RFPL1: variants seen among roughly 807,000 people sequenced by gnomAD.
RFPL1 encodes the protein ret finger protein like 1.
In RFPL1, 6 loss-of-function variants were observed where a neutral mutation model predicts 9.6. The ratio of observed to expected loss-of-function variants is 0.62; its 90% CI spans 0.34 to 1.23. RFPL1 has a LOEUF of 1.23. Ranked by LOEUF, RFPL1 falls within the 50% of genes most tolerant of loss-of-function variation. The pLI is 0.03. For synonymous variants in RFPL1, 145 were observed against 149.4 expected (o/e 0.97, Z 0.22); for missense variants, 352 against 398.4 (o/e 0.88, Z 0.99).
chr22:29,427,978 G>A, the RFPL1 span, among the ~76,000 whole-genome samples: 1,076 of 152,300 alleles, frequency 7.1e-3, 9 homozygotes, highest in Non-Finnish European at 0.012. Flanking sequence ...GGGTCTGGGG[G>A]ATAATGGTGC....
At chr22:29,390,307 C>G in the RFPL1 span, among the ~76,000 whole-genome samples, 1 of 152,090 alleles carries the variant, frequency 6.6e-6, no homozygotes. Context: ...GCACTTATTG[C>G]TAAGTCTCTA....
chr22:29,396,962 A>G, the RFPL1 span, among the ~76,000 whole-genome samples: 3 of 127,576 alleles, frequency 2.4e-5, no homozygotes, highest in African/African-American at 9.4e-5. Context: ...GCTGGAGTGC[A>G]GTGGCTTGAT....
chr22:29,393,973 G>A, the RFPL1 span, among the ~76,000 whole-genome samples: 1 of 151,934 alleles, frequency 6.6e-6, no homozygotes, highest in African/African-American at 2.4e-5. Flanking sequence ...CACCACGCCC[G>A]GCCTATTTTT....
the RFPL1 span, among the ~76,000 whole-genome samples, chr22:29,426,611 G>A: frequency 6.6e-6 from 1 of 152,048 alleles, no homozygotes; most frequent in South Asian, 2.1e-4. Context: ...AATTAGCTGG[G>A]CATGATGGGT....
At chr22:29,409,208 C>T in the RFPL1 span, among the ~76,000 whole-genome samples, 1 of 152,064 alleles carries the variant, frequency 6.6e-6, no homozygotes, top group South Asian at 2.1e-4. Flanking sequence ...CCTCTTTATT[C>T]CCCCCTCAAA....
chr22:29,418,133 C>G, the RFPL1 span, among the ~76,000 whole-genome samples: 13 of 151,896 alleles, frequency 8.6e-5, no homozygotes, highest in South Asian at 2.1e-4. Context: ...GTTTCACCAT[C>G]TTGGCCAGGT....
the RFPL1 span, among the ~76,000 whole-genome samples, chr22:29,415,355 T>C: frequency 1.3e-5 from 2 of 152,246 alleles, no homozygotes; most frequent in African/African-American, 4.8e-5. Flanking sequence ...AGTCCTACCG[T>C]ATTCCAGATA....
At chr22:29,412,038 G>A in the RFPL1 span, among the ~76,000 whole-genome samples, 1,596 of 152,186 alleles carry the variant, frequency 0.01, 23 homozygotes, top group African/African-American at 0.037. Flanking sequence ...TAAGTGCCTC[G>A]AGAAAGCAGC....
the RFPL1 span, among the ~76,000 whole-genome samples, chr22:29,393,338 C>T: frequency 1.3e-5 from 2 of 152,184 alleles, no homozygotes; most frequent in Non-Finnish European, 2.9e-5. Context: ...TCCATGAGGG[C>T]CTGGACCTGC....
the RFPL1 span, among the ~76,000 whole-genome samples, chr22:29,393,901 T>C: frequency 3.3e-5 from 5 of 152,160 alleles, no homozygotes; most frequent in Non-Finnish European, 7.3e-5. Flanking sequence ...GTCTCGGAAC[T>C]CCTGACCTTA....
chr22:29,435,522 G>C (rs2062804491), upstream of RFPL1, among the ~76,000 whole-genome samples: 3 of 152,168 alleles, frequency 2.0e-5, no homozygotes, highest in South Asian at 6.2e-4. Flanking sequence ...CCAGAATCCA[G>C]CAGAGAGCAA....
chr22:29,440,475 T>A (rs2062832768), intron 1 of RFPL1: 1 of 152,274 alleles, frequency 6.6e-6, no homozygotes, highest in Non-Finnish European at 1.5e-5. Context: ...AATTGGCAGC[T>A]TCACCTATCA....
the RFPL1 span, chr22:29,388,324 G>A: frequency 6.6e-6 from 1 of 152,522 alleles, no homozygotes; most frequent in Non-Finnish European, 1.5e-5. Context: ...GCAGCGCCGC[G>A]TCCTCTTCAT....
At chr22:29,416,631 A>G in the RFPL1 span, among the ~76,000 whole-genome samples, 1 of 152,184 alleles carries the variant, frequency 6.6e-6, no homozygotes, top group African/African-American at 2.4e-5. Context: ...GGAGGGTCGC[A>G]GGGAAGCAGG....
chr22:29,428,544 A>G, the RFPL1 span, among the ~76,000 whole-genome samples: 1 of 152,214 alleles, frequency 6.6e-6, no homozygotes, highest in Admixed American at 6.5e-5. Context: ...CAGAATCTAC[A>G]TTCTTCTCCT....
chr22:29,411,362 T>C, the RFPL1 span, among the ~76,000 whole-genome samples: 1 of 152,200 alleles, frequency 6.6e-6, no homozygotes, highest in Non-Finnish European at 1.5e-5. Flanking sequence ...ACAGAAGTTT[T>C]ACATTAGAAG....
At chr22:29,410,453 GAT>G in the RFPL1 span, among the ~76,000 whole-genome samples, 28 of 76,056 alleles carry the variant, frequency 3.7e-4, no homozygotes, top group African/African-American at 1.7e-3. Context: ...TCTATATATA[GAT>G]ATATATATCT....
At chr22:29,420,626 GTTTTTTGCTTTTT>G in the RFPL1 span, among the ~76,000 whole-genome samples, 2 of 82,588 alleles carry the variant, frequency 2.4e-5, 1 homozygote, top group Admixed American at 3.2e-4. Context: ...ACTGCAGATG[GTTTTTTGCTTTTT>G]TTTTTTTTTT....
chr22:29,433,581 G>A, the RFPL1 span: 1 of 163,298 alleles, frequency 6.1e-6, no homozygotes, highest in South Asian at 1.8e-4. Flanking sequence ...ACCTGCGCTC[G>A]GCCCACCAAC....
Sources: allele counts gnomAD v4.1 joint callset (sites outside exome capture counted in the v4.1 genomes callset), GRCh38; gene constraint gnomAD v4.1.1; transcripts MANE v1.5; gene names NCBI Gene and HGNC (gene_info 2026-07-23, HGNC 2026-07-21).